Variants in ASIC2 observed in about 807,000 individuals in gnomAD.
ASIC2 encodes the protein acid sensing ion channel subunit 2.
Under a neutral mutation model 57.3 loss-of-function variants are expected in ASIC2, and 25 were observed. That is an observed-to-expected ratio of 0.44 (90% CI 0.32 to 0.61). The LOEUF is 0.61. Ranked by LOEUF, ASIC2 falls within the 20% of genes least tolerant of loss-of-function variation. The probability of loss-of-function intolerance (pLI) is 0.06; values close to 1 mark genes in which losing one functional copy is unlikely to be tolerated. For missense variants in ASIC2, 641 were observed against 738.1 expected, an observed-to-expected ratio of 0.87 and a Z score of 1.52; for synonymous variants, 319 against 307.5, an observed-to-expected ratio of 1.04 and a Z score of -0.39.
chr17:33,846,019 T>G (rs564037481), intron 1 of ASIC2, among the ~76,000 whole-genome samples: 36 of 152,296 alleles, frequency 2.4e-4, no homozygotes, highest in African/African-American at 8.4e-4. Context: ...ACCTACCACA[T>G]AGTCGTTTTC....
In ASIC2 at chr17:33,273,734, G is replaced by T. The variant is rs201537245; in HGVS notation, c.708+17674C>A. Among the ~76,000 whole-genome samples, 8 of 152,150 alleles carry T rather than the reference G, an allele frequency of 5.3e-5. No homozygotes were observed. In the East Asian group the frequency reaches 1.5e-3, roughly 29 times the overall value. ...CAGATGGGGAAATTGAGGCACAGAA[G>T]GATTAAACAACTTGCCCAAGGTCAC... On this transcript the variant is annotated intron_variant, in intron 1 of 9. Coordinates refer to ENST00000225823, the MANE Select transcript of ASIC2 (RefSeq NM_183377.2).
intron 1 of ASIC2, among the ~76,000 whole-genome samples, chr17:33,712,636 CTTTTTTTTTTTTTTT>C (rs60673332): frequency 3.1e-5 from 2 of 63,592 alleles, no homozygotes; most frequent in South Asian, 7.4e-4. Context: ...ACTCATATGG[CTTTTTTTTTTTTTTT>C]TTTTTTTTTT....
intron 1 of ASIC2, among the ~76,000 whole-genome samples, chr17:33,963,801 C>T (rs1334336410): frequency 6.6e-6 from 1 of 152,134 alleles, no homozygotes; most frequent in African/African-American, 2.4e-5. Flanking sequence ...ACTGAGGTGA[C>T]TGACTTTCAG....
chr17:33,794,740 A>T, intron 1 of ASIC2: 1 of 152,148 alleles, frequency 6.6e-6, no homozygotes, highest in East Asian at 1.9e-4. Context: ...TATCACAGTC[A>T]CCACCAGACC....
intron 1 of ASIC2, among the ~76,000 whole-genome samples, chr17:33,513,868 C>G (rs560567064): frequency 6.6e-6 from 1 of 152,234 alleles, no homozygotes; most frequent in Non-Finnish European, 1.5e-5. Flanking sequence ...TTGGAGGCTG[C>G]CTTCTGTTAG....
intron 1 of ASIC2, among the ~76,000 whole-genome samples, chr17:33,923,722 GAT>G (rs1915759491): frequency 6.6e-6 from 1 of 152,206 alleles, no homozygotes; most frequent in Non-Finnish European, 1.5e-5. Context: ...GAAAGTGTTT[GAT>G]ATGTCAAACA....
intron 1 of ASIC2, among the ~76,000 whole-genome samples, chr17:33,521,112 G>A (rs1022130872): frequency 3.3e-5 from 5 of 152,112 alleles, no homozygotes; most frequent in East Asian, 1.9e-4. Context: ...AGGCAGTCTC[G>A]TGGCGAACTG....
chr17:33,087,933 T>C (rs1265430311), intron 3 of ASIC2, among the ~76,000 whole-genome samples: 2 of 152,136 alleles, frequency 1.3e-5, no homozygotes, highest in Admixed American at 6.5e-5. Flanking sequence ...AGATGAAAGA[T>C]GACATTTGAG....
chr17:33,907,214 AG>A (rs1368043406), intron 1 of ASIC2, among the ~76,000 whole-genome samples: 1 of 152,162 alleles, frequency 6.6e-6, no homozygotes, highest in Non-Finnish European at 1.5e-5. Flanking sequence ...CCATAAAGAC[AG>A]GTGAGGTGAG....
intron 1 of ASIC2, among the ~76,000 whole-genome samples, chr17:33,121,453 A>G (rs759892869): frequency 1.4e-4 from 21 of 151,986 alleles, no homozygotes; most frequent in Non-Finnish European, 2.5e-4. Context: ...CGGGGCATGG[A>G]GAAGTGTTGT....
At chr17:33,896,268 C>T (rs1363401355) in intron 1 of ASIC2, among the ~76,000 whole-genome samples, 2 of 152,218 alleles carry the variant, frequency 1.3e-5, no homozygotes, top group Admixed American at 1.3e-4. Flanking sequence ...ATGTTCCTTC[C>T]CCAAGGATGG....
chr17:33,904,353 GGTTTGTGTACAC>G, intron 1 of ASIC2, among the ~76,000 whole-genome samples: 1 of 151,962 alleles, frequency 6.6e-6, no homozygotes, highest in East Asian at 1.9e-4. Context: ...ATCCCTACAT[GGTTTGTGTACAC>G]ATTAACATTT....
intron 1 of ASIC2, among the ~76,000 whole-genome samples, chr17:33,958,858 A>C (rs1401554354): frequency 6.6e-6 from 1 of 152,058 alleles, no homozygotes; most frequent in Non-Finnish European, 1.5e-5. Context: ...TCAGGCTGCA[A>C]ATTTTCCAAA....
chr17:33,759,067 T>C (rs1910700118), intron 1 of ASIC2, among the ~76,000 whole-genome samples: 1 of 151,930 alleles, frequency 6.6e-6, no homozygotes, highest in South Asian at 2.1e-4. Flanking sequence ...GACAAGAAGA[T>C]AAGGGAAAGT....
rs977711047 is a variant in ASIC2, at chr17:34,032,708, C to T, written c.555+123270G>A. ...GGAAAACAAAAAAAGGCAGGGATTG[C>T]AATCCTAGTCACTGATAAAACAGAC... On this transcript the variant is annotated intron_variant, in intron 1 of 9. Coordinates refer to the ASIC2 transcript ENST00000359872. Among the ~76,000 whole-genome samples the T allele has an allele frequency of 2.6e-5, 4 of 152,070 alleles. No homozygotes were observed. The East Asian group carries it at 5.8e-4, about 22-fold the overall frequency.
chr17:33,503,420 T>C (rs192857431), intron 1 of ASIC2, among the ~76,000 whole-genome samples: 31 of 152,292 alleles, frequency 2.0e-4, no homozygotes, highest in Admixed American at 1.9e-3. Flanking sequence ...TCCTCTCTTA[T>C]TCCTCAGGCA....
chr17:33,019,326 G>A (rs996451602), intron 7 of ASIC2, among the ~76,000 whole-genome samples: 1 of 151,858 alleles, frequency 6.6e-6, no homozygotes, highest in African/African-American at 2.4e-5. Flanking sequence ...GTGGAGGTGA[G>A]CAGAGTGTGT....
intron 3 of ASIC2, among the ~76,000 whole-genome samples, chr17:33,043,221 G>A (rs1170602245): frequency 1.3e-5 from 2 of 152,160 alleles, no homozygotes; most frequent in Non-Finnish European, 1.5e-5. Context: ...CACCACACTC[G>A]GCACATCCCC....
chr17:33,187,204 G>A (rs1906231423), intron 1 of ASIC2, among the ~76,000 whole-genome samples: 1 of 152,174 alleles, frequency 6.6e-6, no homozygotes, highest in South Asian at 2.1e-4. Context: ...AAAGGGCTCA[G>A]TTCTTCTCCA....
Sources: allele counts gnomAD v4.1 joint callset (sites outside exome capture counted in the v4.1 genomes callset), GRCh38; gene constraint gnomAD v4.1.1; transcripts MANE v1.5; gene names NCBI Gene and HGNC (gene_info 2026-07-23, HGNC 2026-07-21).